The following DNAH5 variants were observed in gnomAD, a reference collection of about 807,000 sequenced individuals.
DNAH5 encodes axonemal beta dynein heavy chain 5.
A neutral mutation model predicts 518.2 loss-of-function variants in DNAH5; 372 were observed. That is an observed-to-expected ratio of 0.72 (90% CI 0.66 to 0.78). The LOEUF (loss-of-function observed/expected upper bound fraction) is 0.78. Among genes scored for constraint, DNAH5 ranks in the 30% least tolerant of loss-of-function variants. DNAH5 has a pLI of 0.00. For missense variants in DNAH5, 5,523 were observed against 5,687.0 expected, an observed-to-expected ratio of 0.97 and a Z score of 0.93; for synonymous variants, 2,039 against 2,025.9, an observed-to-expected ratio of 1.01 and a Z score of -0.17.
intron 8 of DNAH5, among the ~76,000 whole-genome samples, chr5:13,916,897 T>C (rs1336392475): frequency 1.3e-5 from 2 of 152,172 alleles, no homozygotes; most frequent in South Asian, 2.1e-4. Flanking sequence ...ATAAATGTTT[T>C]AAAATATAAC....
chr5:13,939,479 T>A (rs575727279), intron 1 of DNAH5, among the ~76,000 whole-genome samples: 1 of 152,258 alleles, frequency 6.6e-6, no homozygotes, highest in African/African-American at 2.4e-5. Context: ...AGCAGTTCTC[T>A]AACTCATTTA....
At chr5:13,777,171 T>C in intron 54 of DNAH5, 31 bp downstream of exon 54, 4 of 1,604,334 alleles carry the variant, frequency 2.5e-6, no homozygotes, top group Non-Finnish European at 3.4e-6. Flanking sequence ...TCTGAAGGGA[T>C]AAAACACATA....
At chr5:13,829,777 T>C in intron 37 of DNAH5, 73 bp from the exon 38 acceptor site, 1 of 1,434,758 alleles carries the variant, frequency 7.0e-7, no homozygotes. Context: ...AAAGATTCAT[T>C]ATGTACACAC....
At chr5:13,803,592 C>T (rs1360624730) in intron 47 of DNAH5, among the ~76,000 whole-genome samples, 3 of 152,212 alleles carry the variant, frequency 2.0e-5, no homozygotes, top group African/African-American at 7.2e-5. Flanking sequence ...TCCTTCCACC[C>T]AAGTACATCA....
intron 2 of DNAH5, among the ~76,000 whole-genome samples, chr5:13,929,737 A>G (rs1426795358): frequency 5.3e-5 from 8 of 152,056 alleles, no homozygotes; most frequent in Admixed American, 5.2e-4. Flanking sequence ...GCTTTCTTTA[A>G]ACCTCCAGGT....
At chr5:13,773,319 G>C (rs1753607939) in intron 55 of DNAH5, among the ~76,000 whole-genome samples, 1 of 152,140 alleles carries the variant, frequency 6.6e-6, no homozygotes, top group Admixed American at 6.5e-5. Flanking sequence ...ATATTCCAAA[G>C]AGAACAAAGG....
intron 12 of DNAH5, among the ~76,000 whole-genome samples, chr5:13,906,966 G>A (rs1159497306): frequency 2.0e-5 from 3 of 152,134 alleles, no homozygotes; most frequent in African/African-American, 4.8e-5. Context: ...AGAAAAAAAT[G>A]TTTTAAAACA....
At chr5:13,796,543 AT>A (rs1757851369) in intron 47 of DNAH5, among the ~76,000 whole-genome samples, 1 of 152,226 alleles carries the variant, frequency 6.6e-6, no homozygotes, top group Non-Finnish European at 1.5e-5. Flanking sequence ...GCGCCACGAA[AT>A]AAAAGAGGAC....
chr5:13,958,236 T>G (rs910327324), intron 1 of DNAH5, among the ~76,000 whole-genome samples: 3 of 152,114 alleles, frequency 2.0e-5, no homozygotes, highest in African/African-American at 7.2e-5. Context: ...ATAAAATTCA[T>G]CTCTCCAAAA....
chr5:13,891,443 TG>T (rs1178636533), intron 16 of DNAH5, among the ~76,000 whole-genome samples: 1 of 152,218 alleles, frequency 6.6e-6, no homozygotes, highest in Non-Finnish European at 1.5e-5. Flanking sequence ...AATTTCCTTT[TG>T]TTTTATTTCC....
upstream of DNAH5, among the ~76,000 whole-genome samples, chr5:13,946,495 C>T (rs143943119): frequency 6.6e-6 from 1 of 152,168 alleles, no homozygotes; most frequent in Non-Finnish European, 1.5e-5. Flanking sequence ...CCACCTACCC[C>T]CGCCAGCCCC....
intron 52 of DNAH5, among the ~76,000 whole-genome samples, chr5:13,783,704 T>A (rs1755541684): frequency 6.6e-6 from 1 of 152,154 alleles, no homozygotes; most frequent in African/African-American, 2.4e-5. Flanking sequence ...AGTTTCTAAC[T>A]AAGAAAGGAA....
At chr5:14,011,251 C>T (rs1785097009) in intron 1 of DNAH5, among the ~76,000 whole-genome samples, 1 of 152,166 alleles carries the variant, frequency 6.6e-6, no homozygotes, top group East Asian at 1.9e-4. Flanking sequence ...AAGCGACCTT[C>T]GCCACACCTG....
Position 13,882,920 on chromosome 5 carries a change from C to G in DNAH5, c.3158G>C (p.Ser1053Thr), listed in dbSNP as rs762291536. The change falls in exon 20 of 79, where the codon AGT becomes ACT. Residue 1053 changes from serine (S) to threonine (T), a missense_variant. Transcript: ENST00000265104. Reference protein sequence around the residue: ...SVPKGVRQWSSELLSKKKIQE... With the variant: ...SVPKGVRQWSTELLSKKKIQE... ...CATACCCACCTTGGACAACAGTTCA[C>G]TGCTCCACTGTCTGACCCCCTTAGG... is the stretch of plus-strand genomic sequence containing the variant. The G allele has an allele frequency of 6.8e-6, 11 of 1,614,072 alleles. No individual in the cohort carries two copies. The South Asian group carries it at 1.2e-4, about 18-fold the overall frequency.
chr5:13,846,602 A>G (rs1204354883), intron 31 of DNAH5, among the ~76,000 whole-genome samples: 1 of 152,174 alleles, frequency 6.6e-6, no homozygotes. Flanking sequence ...ACTCATTGAG[A>G]AAAAGGCAAA....
Position 13,714,655 on chromosome 5 carries a change from C to A in DNAH5, c.12910-35G>T, listed in dbSNP as rs750996382. 7.5e-6 allele frequency: 12 copies of A among 1,599,412 alleles called. No individual in the cohort carries two copies. In the South Asian group the frequency reaches 1.3e-4, roughly 18 times the overall value. ...AGACACCCCAGATAAGCACAGACTG[C>A]CAACATAAGCACCGTCTAAATTACA... On this transcript the variant is annotated intron_variant, in intron 74 of 78. Coordinates refer to ENST00000265104, the MANE Select transcript of DNAH5 (RefSeq NM_001369.3).
chr5:13,849,708 G>A (rs571074259), intron 31 of DNAH5, among the ~76,000 whole-genome samples: 8 of 152,120 alleles, frequency 5.3e-5, no homozygotes, highest in East Asian at 3.9e-4. Context: ...TCCAGCAGCC[G>A]TCTCAAATTT....
chr5:13,898,851 C>T (rs1774228517), intron 15 of DNAH5: 1 of 376,892 alleles, frequency 2.7e-6, no homozygotes, highest in Admixed American at 4.5e-5. Flanking sequence ...TCTTCATCCC[C>T]TGGGTAGCAG....
At chr5:13,967,441 C>T (rs1055375504) in intron 1 of DNAH5, among the ~76,000 whole-genome samples, 1 of 152,050 alleles carries the variant, frequency 6.6e-6, no homozygotes, top group Non-Finnish European at 1.5e-5. Context: ...GGTGCTCTTC[C>T]CTGCTTTATG....
Sources: gnomAD v4.1 joint callset for allele counts (sites outside exome capture counted in the v4.1 genomes callset) on GRCh38, gnomAD v4.1.1 for gene constraint, MANE v1.5 for transcripts, NCBI Gene and HGNC (gene_info 2026-07-23, HGNC 2026-07-21) for gene names.